The following CNTNAP3B variants were observed in gnomAD, a reference collection of about 807,000 sequenced individuals.
The protein encoded by CNTNAP3B is contactin-associated protein-like 3B.
CNTNAP3B carries 25 observed loss-of-function variants against 108.9 expected under a neutral mutation model. The ratio of observed to expected loss-of-function variants is 0.23; its 90% CI spans 0.17 to 0.32. The LOEUF is 0.32. Among genes scored for constraint, CNTNAP3B ranks in the 10% least tolerant of loss-of-function variants. The pLI, the probability that CNTNAP3B is intolerant of heterozygous loss-of-function variation, is 1.00. For synonymous variants in CNTNAP3B, 103 were observed against 473.4 expected (o/e 0.22, Z 10.16); for missense variants, 252 against 1,210.4 (o/e 0.21, Z 11.75).
intron 3 of CNTNAP3B, among the ~76,000 whole-genome samples, chr9:42,053,954 G>T (rs1325722677): frequency 6.6e-6 from 1 of 151,720 alleles, no homozygotes; most frequent in Non-Finnish European, 1.5e-5. Context: ...CTTCCAAATG[G>T]ATCCCCTGTG....
chr9:42,115,978 AT>A (rs1828307184), intron 1 of CNTNAP3B, among the ~76,000 whole-genome samples: 1 of 137,226 alleles, frequency 7.3e-6, no homozygotes, highest in African/African-American at 2.9e-5. Flanking sequence ...TTGAAAAAGG[AT>A]TAGACGAATG....
intron 11 of CNTNAP3B, among the ~76,000 whole-genome samples, chr9:41,963,630 G>A (rs1477469772): frequency 6.6e-6 from 1 of 151,656 alleles, no homozygotes; most frequent in South Asian, 2.1e-4. Flanking sequence ...CATCTCCAGC[G>A]ATTCTGATTT....
At chr9:42,061,075 T>A (rs1587238914) in intron 3 of CNTNAP3B, among the ~76,000 whole-genome samples, 1 of 102,042 alleles carries the variant, frequency 9.8e-6, no homozygotes, top group Non-Finnish European at 1.9e-5. Flanking sequence ...TTCTTGTTAT[T>A]CTAGTTCCTT....
intron 3 of CNTNAP3B, among the ~76,000 whole-genome samples, chr9:42,056,550 C>T (rs1488713037): frequency 7.3e-6 from 1 of 137,526 alleles, no homozygotes; most frequent in Non-Finnish European, 1.6e-5. Context: ...TGGGGTTTCA[C>T]CGGGTTAGCC....
rs1828635009 is a variant in CNTNAP3B at position 42,129,178 on chromosome 9, C to T, written c.-84G>A. 6.8e-7 allele frequency: 1 copy of T among 1,477,546 alleles called. No homozygotes were observed. Among genetic ancestry groups the T allele is most frequent in the Non-Finnish European group, 9.1e-7 (1 of 1,104,742 alleles). The allele number at this position is 1,477,546 out of a possible 1,614,324, so 91.5% of individuals were successfully genotyped here. On this transcript the variant is annotated 5_prime_UTR_variant, in exon 1 of 24. Coordinates refer to ENST00000377561, the MANE Select transcript of CNTNAP3B (RefSeq NM_001201380.3). ...CCTGCTCTCACTCCCGCTCTCACTC[C>T]CGTCCCCTGCGCGGCTCCGACGCTG...
intron 1 of CNTNAP3B, among the ~76,000 whole-genome samples, chr9:42,125,768 C>T (rs1380639163): frequency 3.8e-5 from 5 of 132,072 alleles, no homozygotes; most frequent in Non-Finnish European, 8.0e-5. Context: ...AGGCACCTGC[C>T]ACCATGCCCT....
intron 1 of CNTNAP3B, among the ~76,000 whole-genome samples, chr9:42,115,201 C>T (rs1828287102): frequency 7.2e-6 from 1 of 138,748 alleles, no homozygotes; most frequent in Admixed American, 7.2e-5. Context: ...TAAGAAAAAA[C>T]AGAAGAAGCT....
At chr9:41,959,723 A>G (rs1693073) in intron 12 of CNTNAP3B, among the ~76,000 whole-genome samples, 4 of 152,426 alleles carry the variant, frequency 2.6e-5, no homozygotes, top group African/African-American at 9.6e-5. Context: ...CTATTTTTTG[A>G]CAATCTTTGC....
In CNTNAP3B at chr9:42,047,366, G is replaced by A. The variant is rs1343218782; in HGVS notation, c.390+29503C>T. On this transcript the variant is annotated intron_variant, in intron 3 of 23. Transcript: ENST00000377561. The stretch of plus-strand genomic sequence containing the variant: ...AAAATGTCAATAATAAGAAGTAAGT[G>A]GTTACTAAAGCTAAAATCAGGAGGA... Among the ~76,000 whole-genome samples, 9 of 133,756 alleles carry A rather than the reference G, an allele frequency of 6.7e-5. 1 individual carries two copies. The highest frequency in any genetic ancestry group is 3.0e-5 in the African/African-American group (1 of 33,202). 87.7% of individuals were successfully genotyped at this position (133,756 alleles called of 152,430 possible). A position where few individuals can be genotyped will look rare whatever the true frequency, so the allele number is the denominator to read the frequency against.
intron 1 of CNTNAP3B, among the ~76,000 whole-genome samples, chr9:42,118,114 C>T (rs577521025): frequency 1.4e-5 from 2 of 138,200 alleles, no homozygotes; most frequent in South Asian, 2.4e-4. Flanking sequence ...GGAACTGGTA[C>T]CATTCCTTCT....
At chr9:41,944,663 A>G (rs1317669628) in intron 13 of CNTNAP3B, among the ~76,000 whole-genome samples, 1 of 151,672 alleles carries the variant, frequency 6.6e-6, no homozygotes, top group Non-Finnish European at 1.5e-5. Context: ...AAAAAGAGTT[A>G]CAATATGGCA....
At chr9:41,919,227 C>T (rs1445601460) in intron 18 of CNTNAP3B, among the ~76,000 whole-genome samples, 15 of 152,026 alleles carry the variant, frequency 9.9e-5, no homozygotes, top group South Asian at 2.1e-4. Context: ...CTCTGCCTCC[C>T]GGGTTCAAGC....
intron 15 of CNTNAP3B, among the ~76,000 whole-genome samples, chr9:41,924,654 CACACACACACA>C (rs1823760905): frequency 4.4e-5 from 1 of 22,776 alleles, no homozygotes; most frequent in African/African-American, 8.8e-5. Flanking sequence ...TGCACACACA[CACACACACACA>C]CACACACACA....
intron 1 of CNTNAP3B, among the ~76,000 whole-genome samples, chr9:42,116,903 C>G (rs1440254697): frequency 7.3e-6 from 1 of 137,652 alleles, no homozygotes; most frequent in Admixed American, 7.2e-5. Context: ...GACTTTAAAC[C>G]AACAAAGATC....
chr9:41,958,447 T>C (rs1198664235), intron 12 of CNTNAP3B, among the ~76,000 whole-genome samples: 2 of 152,246 alleles, frequency 1.3e-5, no homozygotes, highest in Non-Finnish European at 1.5e-5. Context: ...TTTTTCTTGA[T>C]AACCAGATGT....
intron 1 of CNTNAP3B, among the ~76,000 whole-genome samples, chr9:42,123,380 T>C (rs1828504556): frequency 8.7e-6 from 1 of 114,870 alleles, no homozygotes; most frequent in Admixed American, 9.3e-5. Flanking sequence ...CAAGACAAAT[T>C]ATCATTTGCA....
At chr9:42,088,683 A>C (rs1587262702) in intron 2 of CNTNAP3B, among the ~76,000 whole-genome samples, 1 of 138,056 alleles carries the variant, frequency 7.2e-6, no homozygotes, top group Non-Finnish European at 1.5e-5. Flanking sequence ...TGAGGAAAAA[A>C]AAGCATAAAA....
chr9:41,940,397 G>A (rs1328396343), intron 13 of CNTNAP3B, among the ~76,000 whole-genome samples: 1 of 152,292 alleles, frequency 6.6e-6, no homozygotes, highest in Non-Finnish European at 1.5e-5. Flanking sequence ...TTGAATGATA[G>A]TAGATTACTC....
intron 14 of CNTNAP3B, among the ~76,000 whole-genome samples, chr9:41,936,144 G>A (rs1463337680): frequency 6.6e-6 from 1 of 152,306 alleles, no homozygotes; most frequent in Non-Finnish European, 1.5e-5. Flanking sequence ...GCCAGGTGTG[G>A]CACTCGGCTG....
Sources: gnomAD v4.1 joint callset for allele counts (sites outside exome capture counted in the v4.1 genomes callset) on GRCh38, gnomAD v4.1.1 for gene constraint, MANE v1.5 for transcripts, NCBI Gene and HGNC (gene_info 2026-07-23, HGNC 2026-07-21) for gene names.